NSF: variants seen among roughly 807,000 people sequenced by gnomAD.
The protein encoded by NSF is N-ethylmaleimide sensitive factor, vesicle fusing ATPase.
NSF carries 14 observed loss-of-function variants against 50.3 expected under a neutral mutation model. The observed-to-expected ratio is 0.28, with a 90% CI of 0.18 to 0.44. The LOEUF (loss-of-function observed/expected upper bound fraction) is 0.44. Ranked by LOEUF, NSF falls within the 20% of genes least tolerant of loss-of-function variation. NSF has a pLI of 1.00. For synonymous variants in NSF, 109 were observed against 175.7 expected (o/e 0.62, Z 3.00); for missense variants, 218 against 504.3 (o/e 0.43, Z 5.44).
At chr17:46,676,588 A>G (rs889600564) in intron 9 of NSF, among the ~76,000 whole-genome samples, 2 of 142,300 alleles carry the variant, frequency 1.4e-5, no homozygotes, top group South Asian at 2.2e-4. Flanking sequence ...AATTTGAATG[A>G]ATGTATGCTA....
intron 17 of NSF, among the ~76,000 whole-genome samples, chr17:46,740,415 G>A (rs1731349186): frequency 6.6e-6 from 1 of 152,148 alleles, no homozygotes; most frequent in African/African-American, 2.4e-5. Context: ...AAAAATCACA[G>A]AGGTAAAAAT....
At chr17:46,714,330 A>G (rs2058747572) in intron 15 of NSF, among the ~76,000 whole-genome samples, 1 of 152,218 alleles carries the variant, frequency 6.6e-6, no homozygotes, top group Non-Finnish European at 1.5e-5. Context: ...TTCTTTCATT[A>G]TTGTACAAAG....
chr17:46,722,178 T>TG, intron 15 of NSF: 1 of 1,609,668 alleles, frequency 6.2e-7, no homozygotes, highest in African/African-American at 1.3e-5. Flanking sequence ...GGCTTTCTCC[T>TG]GGGAGAACTT....
intron 15 of NSF, 140 bp from the exon 16 acceptor site, chr17:46,726,409 C>A: frequency 1.3e-6 from 1 of 774,636 alleles, no homozygotes; most frequent in Non-Finnish European, 2.2e-6. Context: ...TCCAGTGTGT[C>A]AATTCTAATT....
At chr17:46,614,549 AG>A (rs1474368378) in intron 1 of NSF, among the ~76,000 whole-genome samples, 1 of 29,208 alleles carries the variant, frequency 3.4e-5, no homozygotes, top group Non-Finnish European at 5.5e-5. Context: ...AGATAGCCAT[AG>A]GATGAGAACA....
chr17:46,730,636 G>A (rs1051463267), intron 17 of NSF, among the ~76,000 whole-genome samples: 6 of 152,076 alleles, frequency 3.9e-5, no homozygotes, highest in African/African-American at 7.2e-5. Context: ...AGGCTTATAC[G>A]TACATGCTTC....
chr17:46,691,719 GGT>G (rs1355848184), intron 9 of NSF, among the ~76,000 whole-genome samples: 4 of 151,468 alleles, frequency 2.6e-5, no homozygotes, highest in Non-Finnish European at 1.5e-5. Context: ...GTCATATTTA[GGT>G]TATGTTCATT....
chr17:46,755,206 A>T, intron 19 of NSF, 108 bp from the exon 20 acceptor site: 1 of 775,188 alleles, frequency 1.3e-6, no homozygotes, highest in Admixed American at 1.9e-5. Flanking sequence ...TCAGTGACCT[A>T]GCAGAGCATT....
At chr17:46,661,355 T>A (rs2058298124) in intron 8 of NSF, among the ~76,000 whole-genome samples, 1 of 148,574 alleles carries the variant, frequency 6.7e-6, no homozygotes, top group Non-Finnish European at 1.5e-5. Context: ...CTGTTTTTTA[T>A]TTGAATCTCT....
At chr17:46,743,972 G>T (rs903552074) in intron 17 of NSF, among the ~76,000 whole-genome samples, 1 of 152,086 alleles carries the variant, frequency 6.6e-6, no homozygotes, top group Non-Finnish European at 1.5e-5. Context: ...GGATTTAGGC[G>T]CATTCAGGAC....
At chr17:46,740,281 C>T (rs1289306633) in intron 17 of NSF, among the ~76,000 whole-genome samples, 1 of 152,104 alleles carries the variant, frequency 6.6e-6, no homozygotes, top group African/African-American at 2.4e-5. Flanking sequence ...AATGTGGGCT[C>T]TGTAGGGTTA....
At chr17:46,749,952 T>A in intron 18 of NSF, 45 bp downstream of exon 18, 1 of 1,596,044 alleles carries the variant, frequency 6.3e-7, no homozygotes, top group East Asian at 2.2e-5. Flanking sequence ...AAGAAAGGAA[T>A]TGAGGCTGAA....
At chr17:46,740,716 C>T (rs751353776) in intron 17 of NSF, among the ~76,000 whole-genome samples, 18 of 148,916 alleles carry the variant, frequency 1.2e-4, no homozygotes, top group Non-Finnish European at 2.1e-4. Flanking sequence ...GGCTGGAGTA[C>T]AATGGCACGA....
At chr17:46,734,103 A>C (rs2058976986) in intron 17 of NSF, among the ~76,000 whole-genome samples, 1 of 152,200 alleles carries the variant, frequency 6.6e-6, no homozygotes, top group African/African-American at 2.4e-5. Context: ...TAGCAGTCTT[A>C]CTTCAGATAT....
At position 46,726,533 on chromosome 17, in the gene NSF, C is replaced by T. The variant is rs1425996164; in HGVS notation, c.1762-16C>T. 5 of 1,612,802 alleles carry T rather than the reference C, an allele frequency of 3.1e-6. No homozygotes were observed. The highest frequency in any genetic ancestry group is 3.3e-5 in the Admixed American group (2 of 59,998). On this transcript the variant is annotated splice_polypyrimidine_tract_variant and intron_variant, in intron 15 of 20. Transcript: ENST00000398238. Reference sequence around the variant, plus strand: ...TGGAGGACAGTGAGATAATAAATGACTTTGTTTTCTTTCAGATCTTTGATG... The same window carrying T: ...TGGAGGACAGTGAGATAATAAATGATTTTGTTTTCTTTCAGATCTTTGATG...
At chr17:46,676,234 T>TC (rs1568027829) in intron 9 of NSF, among the ~76,000 whole-genome samples, 1 of 74,024 alleles carries the variant, frequency 1.4e-5, no homozygotes, top group East Asian at 1.3e-3. Context: ...ATTCTTCTTC[T>TC]TTTTTTTTTT....
intron 9 of NSF, among the ~76,000 whole-genome samples, chr17:46,676,298 T>C (rs1299645293): frequency 9.1e-5 from 13 of 142,166 alleles, no homozygotes; most frequent in Non-Finnish European, 1.8e-4. Context: ...AATGGCGTGA[T>C]CTCGGCTCAC....
Position 46,610,099 on chromosome 17 carries a change from T to TC in NSF, c.13-14145_13-14144insC, listed in dbSNP as rs2058001000. 1.5e-4 allele frequency among the ~76,000 whole-genome samples: 13 copies of TC among 89,496 alleles called. 1 individual carries two copies. Among genetic ancestry groups the TC allele is most frequent in the Admixed American group, 6.3e-4 (5 of 7,988 alleles). The allele number at this position is 89,496 out of a possible 152,430, so 58.7% of individuals were successfully genotyped here. ...TTCCTTCTTTCTTTCTTTTCTCTCT[T>TC]TCTCTCTCTCTCTCTCTCTCTCTCT... On this transcript the variant is annotated intron_variant, in intron 1 of 20. Transcript: ENST00000398238.
intron 8 of NSF, among the ~76,000 whole-genome samples, chr17:46,655,880 C>CT (rs1384334543): frequency 6.7e-5 from 6 of 89,562 alleles, no homozygotes; most frequent in Admixed American, 4.3e-4. Flanking sequence ...AGATCGAACC[C>CT]TTTTTTTTCA....
Sources: allele counts gnomAD v4.1 joint callset (sites outside exome capture counted in the v4.1 genomes callset), GRCh38; gene constraint gnomAD v4.1.1; transcripts MANE v1.5; gene names NCBI Gene and HGNC (gene_info 2026-07-23, HGNC 2026-07-21).